The following GDAP2 variants were observed in gnomAD, a reference collection of about 807,000 sequenced individuals.
The protein encoded by GDAP2 is ganglioside induced differentiation associated protein 2.
GDAP2 carries 51 observed loss-of-function variants against 67.0 expected under a neutral mutation model. The ratio of observed to expected loss-of-function variants is 0.76; its 90% CI spans 0.61 to 0.96. The LOEUF is 0.96. GDAP2 is among the 40% of genes least tolerant of loss of function. The pLI is 0.00. For missense variants in GDAP2, 547 were observed against 588.3 expected, an observed-to-expected ratio of 0.93 and a Z score of 0.73; for synonymous variants, 203 against 207.3, an observed-to-expected ratio of 0.98 and a Z score of 0.18.
intron 8 of GDAP2, among the ~76,000 whole-genome samples, chr1:117,894,691 A>T (rs1649207388): frequency 1.3e-5 from 2 of 152,176 alleles, no homozygotes; most frequent in Non-Finnish European, 2.9e-5. Context: ...TTTTTCATGC[A>T]ACACCATTTT....
At chr1:117,875,626 T>A (rs1480210422) in intron 13 of GDAP2, among the ~76,000 whole-genome samples, 1 of 152,210 alleles carries the variant, frequency 6.6e-6, no homozygotes, top group East Asian at 1.9e-4. Context: ...GCAAGCCATG[T>A]GGGTGGCAAC....
Position 117,899,234 on chromosome 1 carries a change from G to A in GDAP2, c.637-18C>T, listed in dbSNP as rs369372756. 5.7e-6 allele frequency: 9 copies of A among 1,581,772 alleles called. No homozygotes were observed. The highest frequency in any genetic ancestry group is 7.8e-6 in the Non-Finnish European group (9 of 1,150,734). On this transcript the variant is annotated intron_variant, in intron 6 of 13. Transcript: ENST00000369443. ...TAAGTACCCTGTGTCAGAAAAGCAAGACATTCTGTGAAAAATAGAACAAAA... is the reference window on the plus strand; with the variant it reads ...TAAGTACCCTGTGTCAGAAAAGCAAAACATTCTGTGAAAAATAGAACAAAA...
chr1:117,924,631 T>A (rs947381449), intron 1 of GDAP2, among the ~76,000 whole-genome samples: 10 of 152,294 alleles, frequency 6.6e-5, no homozygotes, highest in Non-Finnish European at 8.8e-5. Context: ...AAATCAACAC[T>A]GCGGAACAGG....
chr1:117,885,226 T>C (rs1434644419), intron 10 of GDAP2, among the ~76,000 whole-genome samples: 2 of 152,084 alleles, frequency 1.3e-5, no homozygotes, highest in African/African-American at 4.8e-5. Context: ...TTCATCTTCT[T>C]TCTGTCCATT....
chr1:117,914,048 T>C (rs1649960869), intron 3 of GDAP2, among the ~76,000 whole-genome samples: 1 of 152,194 alleles, frequency 6.6e-6, no homozygotes, highest in Admixed American at 6.5e-5. Flanking sequence ...CTGTTCTTCC[T>C]AAGCCATTCA....
chr1:117,873,909 C>A (rs1648372976), intron 13 of GDAP2, among the ~76,000 whole-genome samples: 1 of 152,202 alleles, frequency 6.6e-6, no homozygotes, highest in Non-Finnish European at 1.5e-5. Flanking sequence ...AGTCTCGTTT[C>A]TCTGCCAGCC....
chr1:117,881,996 A>G (rs2273576), intron 11 of GDAP2, 119 bp from the exon 12 acceptor site: 19,033 of 607,154 alleles, frequency 0.031, 976 homozygotes, highest in African/African-American at 0.16. Context: ...AAAAATAAAG[A>G]CAGCTATAAT....
chr1:117,891,552 C>T (rs991380150), intron 8 of GDAP2, among the ~76,000 whole-genome samples: 2 of 151,906 alleles, frequency 1.3e-5, no homozygotes, highest in Non-Finnish European at 2.9e-5. Context: ...CTATGAGATG[C>T]CTGTTCCTAT....
chr1:117,908,752 G>C lies in GDAP2; in HGVS notation c.560-2170C>G, dbSNP rs1016929760. On this transcript the variant is annotated intron_variant, in intron 5 of 13. Coordinates refer to ENST00000369443, the MANE Select transcript of GDAP2 (RefSeq NM_017686.4). ...ACAAGGGAGGATCACTTGAGCCCAG[G>C]AGGTTGAGGCTGCATTGAGCTGTGT... 2.0e-5 allele frequency among the ~76,000 whole-genome samples: 3 copies of C among 152,092 alleles called. No homozygotes were observed. In the East Asian group the frequency reaches 5.8e-4, roughly 29 times the overall value.
rs560150843 is a variant in GDAP2 at position 117,870,327 on chromosome 1, C to A, written c.*242G>T. Reference sequence around the variant, plus strand: ...TTGCTCCCCAATTTCTATTAACAATCTAAAAATGAACATTTCCATTTCATA... The same window carrying A: ...TTGCTCCCCAATTTCTATTAACAATATAAAAATGAACATTTCCATTTCATA... On this transcript the variant is annotated 3_prime_UTR_variant, in exon 14 of 14. Transcript: ENST00000369443. The A allele has an allele frequency of 2.4e-4, 118 of 496,982 alleles. 1 individual carries two copies. The highest frequency in any genetic ancestry group is 2.2e-3 in the African/African-American group (112 of 50,408). The allele number at this position is 496,982 out of a possible 1,614,324, so 30.8% of individuals were successfully genotyped here.
In GDAP2 at chr1:117,927,273, C is replaced by G. The variant is rs1454299510; in HGVS notation, c.-68+2175G>C. ...TTTAGTTTAAGAAGTCCTTTAAATA[C>G]TGCTTAATATGAATAATTGGATTGG... is the stretch of plus-strand genomic sequence containing the variant. On this transcript the variant is annotated intron_variant, in intron 1 of 13. Transcript: ENST00000369443. 8.6e-5 allele frequency among the ~76,000 whole-genome samples: 13 copies of G among 151,830 alleles called. No individual in the cohort carries two copies. The East Asian group carries it at 2.3e-3, about 27-fold the overall frequency.
chr1:117,896,929 G>T lies in GDAP2; in HGVS notation c.857C>A (p.Ala286Asp). ...GVDLSFIGSH[A>D]FARMEGDIDK... ...AATATCTCCTTCCATTCGAGCAAAA[G>T]CATGAGAGCCAATGAAAGAGAGATC... Residue 286 changes from alanine (A) to aspartate (D), a missense_variant, in exon 8 of 14, where the codon GCT (alanine) becomes GAT (aspartate). By Grantham distance (126) the Ala-to-Asp change is moderately radical. Coordinates refer to ENST00000369443, the MANE Select transcript of GDAP2 (RefSeq NM_017686.4). The T allele has an allele frequency of 6.2e-7, 1 of 1,611,702 alleles. No homozygotes were observed. The highest frequency in any genetic ancestry group is 8.5e-7 in the Non-Finnish European group (1 of 1,178,050).
rs1197213113 is a variant in GDAP2 at position 117,869,507 on chromosome 1, GC to G, written c.*1061del. 4 of 152,638 alleles carry G rather than the reference GC, an allele frequency of 2.6e-5. No homozygotes were observed. The East Asian group carries it at 7.7e-4, about 30-fold the overall frequency. 9.5% of individuals were successfully genotyped at this position (152,638 alleles called of 1,614,324 possible). A position where few individuals can be genotyped will look rare whatever the true frequency, so the allele number is the denominator to read the frequency against. On this transcript the variant is annotated 3_prime_UTR_variant, in exon 14 of 14. Transcript: ENST00000369443. Reference sequence around the variant, plus strand: ...ACTGAAGATACCCCACCACAACAAAGCCCTTTCTAAATGCTATCTTCATGAT... The same window carrying G: ...ACTGAAGATACCCCACCACAACAAAGCCTTTCTAAATGCTATCTTCATGAT...
chr1:117,871,253 G>A (rs991782184), intron 13 of GDAP2, among the ~76,000 whole-genome samples: 3 of 152,146 alleles, frequency 2.0e-5, no homozygotes, highest in African/African-American at 7.2e-5. Context: ...AGAATTAAAT[G>A]CCAAACCTTT....
At chr1:117,878,935 T>G (rs571939983) in intron 12 of GDAP2, among the ~76,000 whole-genome samples, 1 of 152,360 alleles carries the variant, frequency 6.6e-6, no homozygotes, top group South Asian at 2.1e-4. Flanking sequence ...ATCCCCATTT[T>G]ACTTACAGAA....
intron 4 of GDAP2, 24 bp downstream of exon 4, chr1:117,912,506 G>T: frequency 2.5e-6 from 4 of 1,600,176 alleles, no homozygotes; most frequent in Non-Finnish European, 3.4e-6. Context: ...GATATGCTAT[G>T]TCCAGAAAAT....
intron 7 of GDAP2, among the ~76,000 whole-genome samples, chr1:117,898,560 T>C (rs1570979506): frequency 6.6e-6 from 1 of 152,176 alleles, no homozygotes; most frequent in African/African-American, 2.4e-5. Flanking sequence ...CATGTACACA[T>C]GAACATCACT....
chr1:117,909,387 G>GA lies in GDAP2; in HGVS notation c.559+2606dup, dbSNP rs944898298. Among the ~76,000 whole-genome samples, 5 of 149,694 alleles carry GA rather than the reference G, an allele frequency of 3.3e-5. No individual in the cohort carries two copies. The South Asian group carries it at 6.3e-4, about 19-fold the overall frequency. On this transcript the variant is annotated intron_variant, in intron 5 of 13. Coordinates refer to ENST00000369443, the MANE Select transcript of GDAP2 (RefSeq NM_017686.4). The stretch of plus-strand genomic sequence containing the variant: ...GAAAAACAAACTGCACATGAACTAA[G>GA]AAAAAAAAAGCACGTGTCTTAATAT...
At chr1:117,889,830 C>T (rs750297980) in intron 8 of GDAP2, among the ~76,000 whole-genome samples, 5 of 151,842 alleles carry the variant, frequency 3.3e-5, no homozygotes, top group Admixed American at 1.3e-4. Context: ...ATATGGGCAC[C>T]ACAGTATCTA....
Sources: gnomAD v4.1 joint callset for allele counts (sites outside exome capture counted in the v4.1 genomes callset) on GRCh38, gnomAD v4.1.1 for gene constraint, MANE v1.5 for transcripts, NCBI Gene and HGNC (gene_info 2026-07-23, HGNC 2026-07-21) for gene names.